PHOSPHO2: variants seen among roughly 807,000 people sequenced by gnomAD.
The protein encoded by PHOSPHO2 is phosphatase, orphan 2, also known as pyridoxal phosphate phosphatase PHOSPHO2.
PHOSPHO2 carries 14 observed loss-of-function variants against 16.4 expected under a neutral mutation model. The observed-to-expected ratio is 0.85, with a 90% confidence interval of 0.56 to 1.33. The LOEUF is 1.33. PHOSPHO2 is among the 40% of genes most tolerant of loss of function. The pLI, the probability that PHOSPHO2 is intolerant of heterozygous loss-of-function variation, is 0.00. For missense variants in PHOSPHO2, 246 were observed against 282.5 expected (o/e 0.87, Z 0.93); for synonymous variants, 85 against 90.5 (o/e 0.94, Z 0.34).
chr2:169,701,559 C>T lies in PHOSPHO2; in HGVS notation c.588C>T (p.Ala196=). Residue 196 remains alanine (A), a synonymous_variant, in exon 4 of 4, where the codon GCC becomes GCT. Coordinates refer to ENST00000359744, the MANE Select transcript of PHOSPHO2 (RefSeq NM_001008489.4). ...CCTTTTTAAAGAATGATGATGTTGC[C>T]ATGCCACGGAAAGGATATACCTTAC... is the stretch of plus-strand genomic sequence containing the variant. ...PVTFLKNDDV[A]MPRKGYTLQK... 1.2e-6 allele frequency: 2 copies of T among 1,613,022 alleles called. No individual in the cohort carries two copies. Among genetic ancestry groups the T allele is most frequent in the Non-Finnish European group, 1.7e-6 (2 of 1,179,970 alleles).
At chr2:169,697,623 G>A (rs1450412260) in intron 3 of PHOSPHO2, 92 bp downstream of exon 3, 1 of 152,146 alleles carries the variant, frequency 6.6e-6, no homozygotes. Flanking sequence ...CAGATCAGCA[G>A]GGGAACTATG....
intron 2 of PHOSPHO2, among the ~76,000 whole-genome samples, chr2:169,695,633 G>A (rs1268005509): frequency 8.1e-6 from 1 of 123,444 alleles, no homozygotes; most frequent in African/African-American, 3.1e-5. Flanking sequence ...GCGAGACTCC[G>A]TCTCAAAAAA....
chr2:169,700,858 T>G, intron 3 of PHOSPHO2, 88 bp from the exon 4 acceptor site: 1 of 1,276,972 alleles, frequency 7.8e-7, no homozygotes, highest in South Asian at 1.6e-5. Flanking sequence ...CTTTAGCAGA[T>G]TAACATTTAG....
chr2:169,695,990 G>C (rs886185245), intron 2 of PHOSPHO2, among the ~76,000 whole-genome samples: 1 of 152,176 alleles, frequency 6.6e-6, no homozygotes, highest in African/African-American at 2.4e-5. Flanking sequence ...GGAAAGGGCA[G>C]TCAGTAAGAC....
chr2:169,696,494 A>C (rs1687541681), intron 2 of PHOSPHO2, among the ~76,000 whole-genome samples: 1 of 152,160 alleles, frequency 6.6e-6, no homozygotes, highest in Admixed American at 6.5e-5. Flanking sequence ...ATATTCTGTT[A>C]TTTGCTATCA....
At chr2:169,698,324 T>G (rs1434394503) in intron 3 of PHOSPHO2, 3 of 152,186 alleles carry the variant, frequency 2.0e-5, no homozygotes, top group African/African-American at 7.2e-5. Flanking sequence ...TAGTGTTATA[T>G]TTTTAAACTA....
In PHOSPHO2 at chr2:169,701,461, C is replaced by T; in HGVS notation, c.490C>T (p.Gln164Ter). The T allele has an allele frequency of 6.2e-7, 1 of 1,612,244 alleles. No homozygotes were observed. Among genetic ancestry groups the T allele is most frequent in the African/African-American group, 1.3e-5 (1 of 74,970 alleles). ...AGTTTTGATAGAATTTGTAGATAAA[C>T]AGTTACAACAGGGAGTGAATTATAC... ...KVVLIEFVDK[Q>*]LQQGVNYTQI... The change falls in exon 4 of 4, where the codon CAG becomes TAG. Residue 164 changes from glutamine (Q) to a stop codon, truncating the protein, a stop_gained. Transcript: ENST00000359744. LOFTEE classifies it high-confidence loss of function.
chr2:169,696,500 T>C (rs1185434209), intron 2 of PHOSPHO2, among the ~76,000 whole-genome samples: 1 of 152,266 alleles, frequency 6.6e-6, no homozygotes, highest in Non-Finnish European at 1.5e-5. Flanking sequence ...TGTTATTTGC[T>C]ATCACATGCA....
At chr2:169,696,865 T>C (rs1040676314) in intron 2 of PHOSPHO2, among the ~76,000 whole-genome samples, 9 of 152,184 alleles carry the variant, frequency 5.9e-5, no homozygotes, top group Non-Finnish European at 1.3e-4. Flanking sequence ...TAACACTGAT[T>C]TTATCCACTG....
intron 3 of PHOSPHO2, among the ~76,000 whole-genome samples, chr2:169,700,346 C>T (rs935203756): frequency 6.6e-6 from 1 of 151,912 alleles, no homozygotes; most frequent in Non-Finnish European, 1.5e-5. Context: ...AGTCTTTAAT[C>T]CACCTTGAGT....
chr2:169,697,803 C>G (rs1278528007), intron 3 of PHOSPHO2: 1 of 152,092 alleles, frequency 6.6e-6, no homozygotes, highest in Non-Finnish European at 1.5e-5. Context: ...TAAAATGTGC[C>G]TAGTTACAGT....
chr2:169,700,435 A>G (rs1442144976), intron 3 of PHOSPHO2, among the ~76,000 whole-genome samples: 1 of 152,088 alleles, frequency 6.6e-6, no homozygotes, highest in Non-Finnish European at 1.5e-5. Context: ...AGCACCATTT[A>G]TTAAATAGGG....
intron 3 of PHOSPHO2, 78 bp downstream of exon 3, chr2:169,697,609 C>G (rs1687593021): frequency 6.6e-6 from 1 of 152,162 alleles, no homozygotes; most frequent in Non-Finnish European, 1.5e-5. Flanking sequence ...TAAAAGTGCA[C>G]TTTCAGATCA....
At chr2:169,697,219 G>C (rs1687575392) in intron 2 of PHOSPHO2, 142 bp from the exon 3 acceptor site, 1 of 152,192 alleles carries the variant, frequency 6.6e-6, no homozygotes, top group Non-Finnish European at 1.5e-5. Context: ...GTTTCACTGT[G>C]TTAGCCAGGA....
intron 3 of PHOSPHO2, among the ~76,000 whole-genome samples, chr2:169,700,106 G>C (rs932237339): frequency 1.3e-5 from 2 of 152,048 alleles, no homozygotes; most frequent in African/African-American, 4.8e-5. Flanking sequence ...TTGTCAGATG[G>C]ATAAATTGCA....
chr2:169,697,020 ATT>A (rs71006024), intron 2 of PHOSPHO2, among the ~76,000 whole-genome samples: 2 of 134,282 alleles, frequency 1.5e-5, no homozygotes, highest in African/African-American at 5.2e-5. Flanking sequence ...AAAAAAAAAA[ATT>A]TTTTTTTTTT....
intron 2 of PHOSPHO2, among the ~76,000 whole-genome samples, chr2:169,696,013 C>T (rs1339194566): frequency 6.6e-6 from 1 of 152,152 alleles, no homozygotes; most frequent in African/African-American, 2.4e-5. Context: ...GCAGAACCAC[C>T]AGAGACGCAG....
Position 169,694,496 on chromosome 2 carries a change from A to T in PHOSPHO2, c.-357A>T, listed in dbSNP as rs1687428225. 5 of 686,198 alleles carry T rather than the reference A, an allele frequency of 7.3e-6. No homozygotes were observed. The Admixed American group carries it at 1.1e-4, about 15-fold the overall frequency. The allele number at this position is 686,198 out of a possible 1,614,324, so 42.5% of individuals were successfully genotyped here. A position where few individuals can be genotyped will look rare whatever the true frequency, so the allele number is the denominator to read the frequency against. ...AGTTGGCGGTCGGGCTAGAGAAGAG[A>T]GGCGCCTGCGCTTGCGAGCTGGGCT... On this transcript the variant is annotated 5_prime_UTR_variant, in exon 1 of 4. Coordinates refer to ENST00000359744, the MANE Select transcript of PHOSPHO2 (RefSeq NM_001008489.4).
intron 3 of PHOSPHO2, among the ~76,000 whole-genome samples, chr2:169,699,100 T>A (rs1687654035): frequency 6.6e-6 from 1 of 152,230 alleles, no homozygotes; most frequent in Admixed American, 6.5e-5. Flanking sequence ...GATGGTTTGC[T>A]GCACAGATCA....
Sources: allele counts gnomAD v4.1 joint callset (sites outside exome capture counted in the v4.1 genomes callset), GRCh38; gene constraint gnomAD v4.1.1; transcripts MANE v1.5; gene names NCBI Gene and HGNC (gene_info 2026-07-23, HGNC 2026-07-21).